WDR7: variants seen among roughly 807,000 people sequenced by gnomAD.
WDR7 encodes WD repeat domain 7.
WDR7 carries 46 observed loss-of-function variants against 169.4 expected under a neutral mutation model. That is an observed-to-expected ratio of 0.27 (90% CI 0.21 to 0.35). WDR7 has a LOEUF of 0.35. WDR7 is among the 10% of genes least tolerant of loss of function. The pLI, the probability that WDR7 is intolerant of heterozygous loss-of-function variation, is 1.00. For synonymous variants in WDR7, 612 were observed against 666.8 expected, an observed-to-expected ratio of 0.92 and a Z score of 1.27; for missense variants, 1,534 against 1,859.3, an observed-to-expected ratio of 0.83 and a Z score of 3.22.
At chr18:56,972,115 A>G (rs2047497423) in intron 26 of WDR7, among the ~76,000 whole-genome samples, 1 of 152,236 alleles carries the variant, frequency 6.6e-6, no homozygotes, top group Admixed American at 6.5e-5. Flanking sequence ...TTTAATGAAA[A>G]TGAGCCAATG....
At chr18:56,698,519 T>C (rs1327211890) in intron 12 of WDR7, among the ~76,000 whole-genome samples, 1 of 150,248 alleles carries the variant, frequency 6.7e-6, no homozygotes, top group Non-Finnish European at 1.5e-5. Flanking sequence ...GGCAGGAGAA[T>C]GGCGTGAACC....
chr18:56,818,936 T>G (rs1246265347), intron 20 of WDR7, among the ~76,000 whole-genome samples: 2 of 152,210 alleles, frequency 1.3e-5, no homozygotes, highest in Non-Finnish European at 2.9e-5. Context: ...GCCTGCATTT[T>G]CAGGGAATTC....
intron 14 of WDR7, among the ~76,000 whole-genome samples, chr18:56,737,327 G>A (rs7506986): frequency 0.39 from 58,838 of 151,990 alleles, 11,835 homozygotes; most frequent in East Asian, 0.64. Context: ...ATGGTTCTTC[G>A]TAAAGAGATC....
At chr18:56,769,744 G>A (rs2044123292) in intron 16 of WDR7, among the ~76,000 whole-genome samples, 1 of 152,120 alleles carries the variant, frequency 6.6e-6, no homozygotes, top group Non-Finnish European at 1.5e-5. Context: ...AGAAGTAAGA[G>A]GTGGTCATTG....
At chr18:56,900,331 G>A (rs74866101) in intron 21 of WDR7, among the ~76,000 whole-genome samples, 122 of 152,108 alleles carry the variant, frequency 8.0e-4, no homozygotes, top group African/African-American at 2.9e-3. Flanking sequence ...AAGTAAAAGC[G>A]GTTACTTTAG....
intron 14 of WDR7, among the ~76,000 whole-genome samples, chr18:56,743,259 T>C (rs551242744): frequency 6.6e-6 from 1 of 152,320 alleles, no homozygotes; most frequent in African/African-American, 2.4e-5. Context: ...TATGTTGTGA[T>C]GTCTGCAAGA....
At chr18:56,654,717 G>T (rs1255157616) in intron 1 of WDR7, among the ~76,000 whole-genome samples, 1 of 152,130 alleles carries the variant, frequency 6.6e-6, no homozygotes, top group Non-Finnish European at 1.5e-5. Context: ...TTGTATTTTG[G>T]AGGTTTTGTT....
At chr18:56,750,030 T>A (rs2043765235) in intron 14 of WDR7, among the ~76,000 whole-genome samples, 1 of 152,056 alleles carries the variant, frequency 6.6e-6, no homozygotes, top group Non-Finnish European at 1.5e-5. Context: ...TGCGTGTGTG[T>A]GTCTGTGTGT....
At chr18:56,889,183 G>A (rs1478081157) in intron 21 of WDR7, among the ~76,000 whole-genome samples, 1 of 152,178 alleles carries the variant, frequency 6.6e-6, no homozygotes, top group East Asian at 1.9e-4. Flanking sequence ...AGTCATGATG[G>A]GGAGGAGATG....
chr18:56,990,324 G>A (rs906235703), intron 26 of WDR7, among the ~76,000 whole-genome samples: 1 of 152,182 alleles, frequency 6.6e-6, no homozygotes, highest in Non-Finnish European at 1.5e-5. Flanking sequence ...GAGCAATCAG[G>A]GAATCAGAGG....
chr18:56,938,736 A>G (rs2046993283), intron 24 of WDR7, 54 bp downstream of exon 24: 2 of 1,589,252 alleles, frequency 1.3e-6, no homozygotes, highest in Non-Finnish European at 1.7e-6. Flanking sequence ...AAATATTCTA[A>G]TGAAGTAATA....
At chr18:56,730,770 A>G (rs2026567677) in intron 13 of WDR7, among the ~76,000 whole-genome samples, 1 of 152,084 alleles carries the variant, frequency 6.6e-6, no homozygotes, top group Admixed American at 6.5e-5. Flanking sequence ...TGTCTCAAAA[A>G]AATAAAAAAT....
At chr18:56,760,845 T>C (rs1316982897) in intron 16 of WDR7, among the ~76,000 whole-genome samples, 1 of 152,236 alleles carries the variant, frequency 6.6e-6, no homozygotes, top group Non-Finnish European at 1.5e-5. Context: ...AGAACTCTTA[T>C]ATACAACTGA....
At chr18:56,786,165 T>C (rs866873283) in intron 19 of WDR7, among the ~76,000 whole-genome samples, 6 of 152,158 alleles carry the variant, frequency 3.9e-5, no homozygotes, top group African/African-American at 1.4e-4. Context: ...ACTGCCAGAC[T>C]GGAGATCACT....
rs575941874 is a variant in WDR7, at chr18:56,787,945, G to C, written c.3190+6289G>C. ...GAGGACGGGGGGAAGGATAGGGAGA[G>C]AGTTTGATAAACATGGTATGAGTCT... On this transcript the variant is annotated intron_variant, in intron 19 of 27. Transcript: ENST00000254442. 1.1e-3 allele frequency among the ~76,000 whole-genome samples: 168 copies of C among 152,300 alleles called. 1 individual carries two copies. Among genetic ancestry groups the C allele is most frequent in the African/African-American group, 4.0e-3 (165 of 41,572 alleles).
At chr18:57,025,539 CAGAA>C in intron 27 of WDR7, among the ~76,000 whole-genome samples, 1 of 152,284 alleles carries the variant, frequency 6.6e-6, no homozygotes, top group South Asian at 2.1e-4. Flanking sequence ...CGAACTTTAA[CAGAA>C]AGAGTTAACA....
At chr18:56,997,397 G>A (rs1379587118) in intron 26 of WDR7, among the ~76,000 whole-genome samples, 1 of 152,138 alleles carries the variant, frequency 6.6e-6, no homozygotes, top group Non-Finnish European at 1.5e-5. Context: ...TTTACTATTT[G>A]ACTTGTAAGG....
intron 20 of WDR7, among the ~76,000 whole-genome samples, chr18:56,825,340 G>A (rs921616444): frequency 3.9e-5 from 6 of 152,222 alleles, no homozygotes; most frequent in African/African-American, 1.2e-4. Flanking sequence ...GCAAACTTAT[G>A]TAAAAGAACA....
intron 20 of WDR7, among the ~76,000 whole-genome samples, chr18:56,854,343 C>A (rs1438667065): frequency 6.6e-6 from 1 of 152,220 alleles, no homozygotes; most frequent in Admixed American, 6.5e-5. Context: ...ATACTTGTAT[C>A]TTCTGGTTTA....
Sources: allele counts gnomAD v4.1 joint callset (sites outside exome capture counted in the v4.1 genomes callset), GRCh38; gene constraint gnomAD v4.1.1; transcripts MANE v1.5; gene names NCBI Gene and HGNC (gene_info 2026-07-23, HGNC 2026-07-21).